Variants in ERICH5 observed in about 807,000 individuals in gnomAD.
ERICH5 encodes the protein glutamate-rich protein 5.
ERICH5 carries 24 observed loss-of-function variants against 28.0 expected under a neutral mutation model. That is an observed-to-expected ratio of 0.86 (90% confidence interval 0.62 to 1.21). ERICH5 has a LOEUF of 1.21. ERICH5 is among the 50% of genes most tolerant of loss of function. The probability of loss-of-function intolerance (pLI) is 0.00; values close to 1 mark genes in which losing one functional copy is unlikely to be tolerated. For missense variants in ERICH5, 421 were observed against 441.2 expected (o/e 0.95, Z 0.41); for synonymous variants, 163 against 157.6 (o/e 1.03, Z -0.25).
In ERICH5 at chr8:98,089,210, C is replaced by T. The variant is rs1262426368; in HGVS notation, c.193C>T (p.Leu65Phe). ...GGAAAGCCGTCCTCCCTTACAAAAG[C>T]TCAAGGTTTCAGCAGAGCCTACAGC... ...QRESRPPLQK[L>F]KVSAEPTANG... The change falls in exon 2 of 3, where the codon CTC (leucine) becomes TTC (phenylalanine). Residue 65 changes from leucine to phenylalanine, a missense_variant. Coordinates refer to ENST00000318528, the MANE Select transcript of ERICH5 (RefSeq NM_173549.3). 6.2e-7 allele frequency: 1 copy of T among 1,614,092 alleles called. No individual in the cohort carries two copies. Among genetic ancestry groups the T allele is most frequent in the African/African-American group, 1.3e-5 (1 of 74,928 alleles).
At chr8:98,075,779 AC>A (rs1479230372) in intron 1 of ERICH5, among the ~76,000 whole-genome samples, 3 of 47,804 alleles carry the variant, frequency 6.3e-5, no homozygotes, top group Non-Finnish European at 9.6e-5. Context: ...TCTCAAGCAC[AC>A]CTGCCTTTTT....
At chr8:98,082,720 A>G (rs2514335) in intron 1 of ERICH5, among the ~76,000 whole-genome samples, 79,446 of 151,348 alleles carry the variant, frequency 0.52, 21,862 homozygotes, top group Middle Eastern at 0.63. Flanking sequence ...AATATTTAAC[A>G]CTTAGCCTGG....
chr8:98,069,756 G>A lies in ERICH5; in HGVS notation c.58+5029G>A, dbSNP rs145874305. Among the ~76,000 whole-genome samples the A allele has an allele frequency of 1.8e-4, 27 of 152,288 alleles. No homozygotes were observed. The East Asian group carries it at 4.8e-3, about 27-fold the overall frequency. On this transcript the variant is annotated intron_variant, in intron 1 of 2. Coordinates refer to ENST00000318528, the MANE Select transcript of ERICH5 (RefSeq NM_173549.3). The stretch of plus-strand genomic sequence containing the variant: ...GGCATTACTAGGTCAAAGGGTGTAC[G>A]CACTGAAAGTTTTGATAGATAACTG...
intron 1 of ERICH5, among the ~76,000 whole-genome samples, chr8:98,085,187 G>GTCT (rs1815252431): frequency 1.3e-5 from 1 of 76,756 alleles, no homozygotes; most frequent in Admixed American, 2.2e-4. Context: ...TTGAGACGGA[G>GTCT]TCTTACTCTG....
At chr8:98,087,947 G>A (rs1386959016) in intron 1 of ERICH5, among the ~76,000 whole-genome samples, 1 of 152,102 alleles carries the variant, frequency 6.6e-6, no homozygotes, top group Non-Finnish European at 1.5e-5. Context: ...TGGGGTGGGT[G>A]TGGTGGCTCA....
At chr8:98,091,963 T>TCTCCCC in intron 2 of ERICH5, among the ~76,000 whole-genome samples, 3 of 79,406 alleles carry the variant, frequency 3.8e-5, no homozygotes, top group African/African-American at 1.3e-4. Flanking sequence ...TTTCTTTCTT[T>TCTCCCC]TTTCTTTCTT....
chr8:98,073,442 A>C (rs1352338862), intron 1 of ERICH5, among the ~76,000 whole-genome samples: 4,272 of 17,084 alleles, frequency 0.25, 1,016 homozygotes, highest in East Asian at 0.49. Context: ...CTATATATAT[A>C]TATATATATA....
intron 1 of ERICH5, among the ~76,000 whole-genome samples, chr8:98,070,781 G>A (rs1404832044): frequency 1.3e-5 from 2 of 151,784 alleles, no homozygotes; most frequent in Admixed American, 6.6e-5. Flanking sequence ...TGACAGAGAC[G>A]GGGATTCAGG....
chr8:98,085,070 C>T (rs965341997), intron 1 of ERICH5, among the ~76,000 whole-genome samples: 1 of 149,186 alleles, frequency 6.7e-6, no homozygotes, highest in Admixed American at 6.7e-5. Flanking sequence ...CATGTTGTTG[C>T]ACTTATCAAT....
chr8:98,072,799 C>T (rs1331761058), intron 1 of ERICH5, among the ~76,000 whole-genome samples: 1 of 152,146 alleles, frequency 6.6e-6, no homozygotes, highest in Non-Finnish European at 1.5e-5. Flanking sequence ...AAAACATTCT[C>T]TTTGCTTATT....
intron 1 of ERICH5, among the ~76,000 whole-genome samples, chr8:98,070,660 C>CAAAAAAAAAAAAA (rs769042472): frequency 8.3e-4 from 32 of 38,752 alleles, no homozygotes; most frequent in African/African-American, 2.1e-3. Context: ...AACTGCATCT[C>CAAAAAAAAAAAAA]AAAAAAAAAA....
intron 1 of ERICH5, among the ~76,000 whole-genome samples, chr8:98,072,101 G>A (rs1157155295): frequency 6.6e-6 from 1 of 152,004 alleles, no homozygotes; most frequent in Non-Finnish European, 1.5e-5. Context: ...ACCTTATGAA[G>A]GTGGGTGAAA....
intron 1 of ERICH5, among the ~76,000 whole-genome samples, chr8:98,085,112 T>TC (rs1446668738): frequency 5.3e-5 from 8 of 150,992 alleles, no homozygotes; most frequent in African/African-American, 1.9e-4. Flanking sequence ...TGGGTCGTAT[T>TC]CCCTGGTGTG....
chr8:98,086,492 A>G (rs1416306106), intron 1 of ERICH5, among the ~76,000 whole-genome samples: 2 of 152,338 alleles, frequency 1.3e-5, no homozygotes, highest in East Asian at 3.9e-4. Flanking sequence ...ATGAAAAAGT[A>G]TGATAATTAT....
rs1815338238 is a variant in ERICH5 at position 98,089,255 on chromosome 8, C to T, written c.238C>T (p.Gln80Ter). 1 of 1,614,072 alleles carries T rather than the reference C, an allele frequency of 6.2e-7. No individual in the cohort carries two copies. Among genetic ancestry groups the T allele is most frequent in the African/African-American group, 1.3e-5 (1 of 74,912 alleles). Residue 80 changes from glutamine to a stop codon, truncating the protein, a stop_gained, in exon 2 of 3, where the codon CAA becomes TAA. Coordinates refer to ENST00000318528, the MANE Select transcript of ERICH5 (RefSeq NM_173549.3). LOFTEE classifies it high-confidence loss of function. The part of the protein sequence containing the change: ...EPTANGVKPL[Q>*]EQPLAKDVAP... ...TACAGCTAATGGTGTTAAACCCCTC[C>T]AAGAACAGCCCCTGGCCAAGGACGT...
intron 1 of ERICH5, among the ~76,000 whole-genome samples, chr8:98,069,266 T>G (rs1371025801): frequency 6.6e-6 from 1 of 152,174 alleles, no homozygotes; most frequent in African/African-American, 2.4e-5. Context: ...ACATACATGG[T>G]TCAAAAATGT....
At chr8:98,064,782 C>G in intron 1 of ERICH5, 55 bp downstream of exon 1, 1 of 1,462,672 alleles carries the variant, frequency 6.8e-7, no homozygotes, top group Non-Finnish European at 9.2e-7. Flanking sequence ...GGTGGGCTAA[C>G]TCCCCAGGAG....
intron 1 of ERICH5, among the ~76,000 whole-genome samples, chr8:98,073,498 A>C (rs1189359606): frequency 0.018 from 58 of 3,208 alleles, 15 homozygotes; most frequent in East Asian, 0.031. Context: ...ATATATATAT[A>C]TATATATATA....
chr8:98,091,904 T>TC (rs1815405507), intron 2 of ERICH5, among the ~76,000 whole-genome samples: 5 of 81,654 alleles, frequency 6.1e-5, no homozygotes, highest in East Asian at 3.4e-4. Flanking sequence ...TTCTTTCCTT[T>TC]CTTTCTTTCT....
Sources: allele counts gnomAD v4.1 joint callset (sites outside exome capture counted in the v4.1 genomes callset), GRCh38; gene constraint gnomAD v4.1.1; transcripts MANE v1.5; gene names NCBI Gene and HGNC (gene_info 2026-07-23, HGNC 2026-07-21).